The following CCDC73 variants were observed in gnomAD, a reference collection of about 807,000 sequenced individuals.
CCDC73 encodes coiled-coil domain-containing protein 73.
Under a neutral mutation model 116.5 loss-of-function variants are expected in CCDC73, and 95 were observed. The observed-to-expected ratio is 0.82, with a 90% CI of 0.69 to 0.97. The LOEUF (loss-of-function observed/expected upper bound fraction) is 0.97, where lower values mean the gene tolerates loss of function less well. Among genes scored for constraint, CCDC73 ranks in the 50% least tolerant of loss-of-function variants. The pLI, the probability that CCDC73 is intolerant of heterozygous loss-of-function variation, is 0.00. For missense variants in CCDC73, 1,066 were observed against 1,206.8 expected (o/e 0.88, Z 1.73); for synonymous variants, 398 against 401.3 (o/e 0.99, Z 0.10).
chr11:32,754,878 C>CTTTT (rs34982926), intron 2 of CCDC73, among the ~76,000 whole-genome samples: 44 of 86,554 alleles, frequency 5.1e-4, no homozygotes, highest in Middle Eastern at 6.7e-3. Flanking sequence ...ATGGCTTCAA[C>CTTTT]TTTTTTTTTT....
At chr11:32,698,170 G>A (rs940509370) in intron 6 of CCDC73, among the ~76,000 whole-genome samples, 21 of 151,508 alleles carry the variant, frequency 1.4e-4, no homozygotes, top group African/African-American at 9.7e-5. Context: ...GACTACAGGC[G>A]CCCGCCACCA....
intron 1 of CCDC73, among the ~76,000 whole-genome samples, chr11:32,786,295 A>G (rs927847071): frequency 6.7e-6 from 1 of 149,428 alleles, no homozygotes; most frequent in South Asian, 2.1e-4. Flanking sequence ...TAAGTAGTTC[A>G]TTTATTTATA....
chr11:32,649,702 T>C (rs1590568085), intron 12 of CCDC73, among the ~76,000 whole-genome samples: 1 of 152,248 alleles, frequency 6.6e-6, no homozygotes, highest in South Asian at 2.1e-4. Context: ...CATTCACTAG[T>C]CCATGGCAAA....
chr11:32,771,495 T>A (rs929036929), intron 1 of CCDC73, among the ~76,000 whole-genome samples: 1 of 152,198 alleles, frequency 6.6e-6, no homozygotes, highest in Non-Finnish European at 1.5e-5. Context: ...CCTCCCCTTT[T>A]TGAATGAAAG....
intron 6 of CCDC73, among the ~76,000 whole-genome samples, chr11:32,689,529 A>C (rs1856234962): frequency 1.3e-5 from 2 of 152,162 alleles, no homozygotes; most frequent in African/African-American, 4.8e-5. Flanking sequence ...AAAATATTTT[A>C]ATGATTAGAG....
intron 1 of CCDC73, among the ~76,000 whole-genome samples, chr11:32,763,344 C>T (rs1196129694): frequency 6.6e-6 from 1 of 152,216 alleles, no homozygotes; most frequent in Admixed American, 6.5e-5. Flanking sequence ...GGGAGGCCCC[C>T]CAGTAGGGGC....
chr11:32,815,580 T>C, the CCDC73 span, among the ~76,000 whole-genome samples: 2 of 152,246 alleles, frequency 1.3e-5, no homozygotes, highest in Non-Finnish European at 2.9e-5. Context: ...AGACCTATTC[T>C]TCTGGGTGAG....
At chr11:32,728,192 G>A (rs180811732) in intron 2 of CCDC73, among the ~76,000 whole-genome samples, 20 of 152,074 alleles carry the variant, frequency 1.3e-4, no homozygotes, top group Admixed American at 8.5e-4. Context: ...TCAAGAATGC[G>A]GTGAAGCATG....
the CCDC73 span, among the ~76,000 whole-genome samples, chr11:32,828,914 T>G: frequency 1.3e-5 from 2 of 152,240 alleles, no homozygotes; most frequent in Non-Finnish European, 2.9e-5. Context: ...GATTTCAAGA[T>G]AATTACTTCA....
intron 6 of CCDC73, 80 bp downstream of exon 6, chr11:32,699,171 G>A: frequency 7.2e-7 from 1 of 1,397,550 alleles, no homozygotes; most frequent in Non-Finnish European, 9.4e-7. Context: ...TTGCTTTGTA[G>A]CTTACATATC....
intron 1 of CCDC73, among the ~76,000 whole-genome samples, chr11:32,781,090 A>T (rs919768175): frequency 2.6e-5 from 4 of 152,144 alleles, no homozygotes; most frequent in African/African-American, 9.7e-5. Flanking sequence ...AGCCAAGATC[A>T]TGCCACTGCA....
At chr11:32,729,983 C>T (rs989410009) in intron 2 of CCDC73, among the ~76,000 whole-genome samples, 1 of 152,192 alleles carries the variant, frequency 6.6e-6, no homozygotes, top group Non-Finnish European at 1.5e-5. Context: ...GTCAAAATGC[C>T]ATTTTCCAAA....
chr11:32,726,512 A>C (rs1027104586), intron 2 of CCDC73, among the ~76,000 whole-genome samples: 3 of 152,178 alleles, frequency 2.0e-5, no homozygotes, highest in Admixed American at 2.0e-4. Context: ...ACATGGAGAG[A>C]AAAAAGTATG....
chr11:32,624,338 TAAAAAATA>T (rs972150164), intron 14 of CCDC73, among the ~76,000 whole-genome samples: 1 of 151,002 alleles, frequency 6.6e-6, no homozygotes, highest in African/African-American at 2.5e-5. Context: ...CATCTCCAAA[TAAAAAATA>T]AAAAAATAAA....
intron 17 of CCDC73, among the ~76,000 whole-genome samples, 178 bp downstream of exon 17, chr11:32,610,952 CTG>C (rs1855416436): frequency 6.6e-6 from 1 of 152,212 alleles, no homozygotes; most frequent in African/African-American, 2.4e-5. Flanking sequence ...GATTTATACA[CTG>C]TGACTTTTTC....
At chr11:32,795,607 A>G (rs1336842092), upstream of CCDC73, among the ~76,000 whole-genome samples, 2 of 152,148 alleles carry the variant, frequency 1.3e-5, no homozygotes, top group Non-Finnish European at 2.9e-5. Context: ...TTGAATAGTC[A>G]TTCAATAAGA....
chr11:32,758,021 T>G (rs1202177869), intron 2 of CCDC73, among the ~76,000 whole-genome samples: 1 of 152,224 alleles, frequency 6.6e-6, no homozygotes, highest in Non-Finnish European at 1.5e-5. Flanking sequence ...GTATTACGTA[T>G]GTTTGAAATT....
chr11:32,803,168 A>T, the CCDC73 span, among the ~76,000 whole-genome samples: 1 of 152,038 alleles, frequency 6.6e-6, no homozygotes, highest in Admixed American at 6.6e-5. Context: ...ATCTCGGCTC[A>T]CTGCAACCTC....
At chr11:32,645,808 A>G (rs150567917) in intron 12 of CCDC73, among the ~76,000 whole-genome samples, 9 of 152,316 alleles carry the variant, frequency 5.9e-5, no homozygotes, top group Non-Finnish European at 8.8e-5. Flanking sequence ...TATGATGGCT[A>G]TGATACTAGC....
Sources: gnomAD v4.1 joint callset for allele counts (sites outside exome capture counted in the v4.1 genomes callset) on GRCh38, gnomAD v4.1.1 for gene constraint, MANE v1.5 for transcripts, NCBI Gene and HGNC (gene_info 2026-07-23, HGNC 2026-07-21) for gene names.